The following RNF152 variants were observed in gnomAD, a reference collection of about 807,000 sequenced individuals.
RNF152 encodes the protein ring finger protein 152.
In RNF152, 11 loss-of-function variants were observed where a neutral mutation model predicts 12.7. That is an observed-to-expected ratio of 0.86 (90% CI 0.54 to 1.43). RNF152 has a LOEUF of 1.43. Ranked by LOEUF, RNF152 falls within the 40% of genes most tolerant of loss-of-function variation. RNF152 has a pLI of 0.00. For missense variants in RNF152, 255 were observed against 274.8 expected (o/e 0.93, Z 0.51); for synonymous variants, 113 against 120.3 (o/e 0.94, Z 0.40).
At chr18:61,869,655 T>C (rs2144733880) in intron 1 of RNF152, among the ~76,000 whole-genome samples, 1 of 152,268 alleles carries the variant, frequency 6.6e-6, no homozygotes, top group South Asian at 2.1e-4. Context: ...CCACAGATCA[T>C]TAGAATAAGT....
intron 1 of RNF152, among the ~76,000 whole-genome samples, chr18:61,824,752 T>C (rs983787038): frequency 6.6e-6 from 1 of 152,240 alleles, no homozygotes; most frequent in Non-Finnish European, 1.5e-5. Flanking sequence ...CACAGTTTTC[T>C]GGCTTGTGCA....
At chr18:61,851,723 G>A (rs1174411245) in intron 1 of RNF152, among the ~76,000 whole-genome samples, 1 of 152,108 alleles carries the variant, frequency 6.6e-6, no homozygotes, top group African/African-American at 2.4e-5. Flanking sequence ...ATTTATAGTT[G>A]AGAAAATTAA....
chr18:61,841,083 A>G (rs989630132), intron 1 of RNF152, among the ~76,000 whole-genome samples: 5 of 152,222 alleles, frequency 3.3e-5, no homozygotes, highest in African/African-American at 4.8e-5. Flanking sequence ...GCAGCAGTTC[A>G]TGGGGAAGCT....
At chr18:61,838,390 G>C (rs1304540453) in intron 1 of RNF152, among the ~76,000 whole-genome samples, 1 of 152,194 alleles carries the variant, frequency 6.6e-6, no homozygotes, top group Non-Finnish European at 1.5e-5. Context: ...CCAGAGATCA[G>C]CCCTGTAACC....
chr18:61,882,628 G>C (rs754829284), intron 1 of RNF152, among the ~76,000 whole-genome samples: 13 of 152,204 alleles, frequency 8.5e-5, no homozygotes, highest in Non-Finnish European at 1.9e-4. Flanking sequence ...AGAACTGGTG[G>C]CTTGGCTAAG....
chr18:61,876,382 G>A (rs1912215432), intron 1 of RNF152, among the ~76,000 whole-genome samples: 2 of 152,166 alleles, frequency 1.3e-5, no homozygotes, highest in African/African-American at 4.8e-5. Flanking sequence ...TGACATGGAA[G>A]CATTATGCCA....
At chr18:61,843,864 C>T (rs1235563294) in intron 1 of RNF152, among the ~76,000 whole-genome samples, 4 of 151,704 alleles carry the variant, frequency 2.6e-5, no homozygotes, top group East Asian at 1.9e-4. Context: ...AAAAGAGTTA[C>T]GAAGATGGAT....
intron 1 of RNF152, among the ~76,000 whole-genome samples, chr18:61,870,747 C>G (rs918522082): frequency 9.9e-5 from 15 of 152,060 alleles, no homozygotes; most frequent in African/African-American, 3.6e-4. Flanking sequence ...TGAAGTGAAA[C>G]CCACATAAGG....
chr18:61,851,228 T>C (rs1176558775), intron 1 of RNF152, among the ~76,000 whole-genome samples: 1 of 151,748 alleles, frequency 6.6e-6, no homozygotes, highest in Non-Finnish European at 1.5e-5. Flanking sequence ...TTTGTGTCAA[T>C]ATTTTAAATC....
At chr18:61,849,111 T>C (rs1599293422) in intron 1 of RNF152, among the ~76,000 whole-genome samples, 1 of 152,110 alleles carries the variant, frequency 6.6e-6, no homozygotes, top group Non-Finnish European at 1.5e-5. Flanking sequence ...GTACTATGAC[T>C]CCCTGCCTCC....
At chr18:61,875,264 G>T (rs79297943) in intron 1 of RNF152, among the ~76,000 whole-genome samples, 4,863 of 152,206 alleles carry the variant, frequency 0.032, 268 homozygotes, top group African/African-American at 0.11. Flanking sequence ...TTCCAGACAG[G>T]GTCCTATATG....
chr18:61,868,813 T>G (rs570111910), intron 1 of RNF152, among the ~76,000 whole-genome samples: 26 of 152,306 alleles, frequency 1.7e-4, no homozygotes, highest in African/African-American at 4.3e-4. Context: ...CTTGTAGTTA[T>G]GTGGCAGAAA....
intron 1 of RNF152, among the ~76,000 whole-genome samples, chr18:61,833,865 C>G (rs1479215791): frequency 6.7e-6 from 1 of 148,386 alleles, no homozygotes; most frequent in Non-Finnish European, 1.5e-5. Context: ...CTTTCATAAC[C>G]TGGTTGCCAT....
intron 1 of RNF152, among the ~76,000 whole-genome samples, chr18:61,877,767 T>G (rs112399911): frequency 0.044 from 6,774 of 152,270 alleles, 217 homozygotes; most frequent in Middle Eastern, 0.061. Flanking sequence ...CCTTTTTTTG[T>G]GTTTGGAATC....
At chr18:61,847,307 T>G (rs1439556195) in intron 1 of RNF152, among the ~76,000 whole-genome samples, 2 of 152,264 alleles carry the variant, frequency 1.3e-5, no homozygotes, top group Admixed American at 1.3e-4. Context: ...TATTTCTATT[T>G]GCATGGGGTC....
chr18:61,818,036 C>T (rs1003378451), intron 1 of RNF152, among the ~76,000 whole-genome samples: 3 of 152,158 alleles, frequency 2.0e-5, no homozygotes, highest in African/African-American at 4.8e-5. Flanking sequence ...AAAAGTGACC[C>T]TTCTTTTTCC....
intron 1 of RNF152, among the ~76,000 whole-genome samples, chr18:61,885,314 G>GTTTGTTAA (rs1438498858): frequency 6.6e-6 from 1 of 151,986 alleles, no homozygotes; most frequent in Non-Finnish European, 1.5e-5. Context: ...AGAGTGTTTT[G>GTTTGTTAA]TTTGTTTGTT....
chr18:61,831,411 G>T (rs888383314), intron 1 of RNF152, among the ~76,000 whole-genome samples: 1 of 152,116 alleles, frequency 6.6e-6, no homozygotes, highest in Non-Finnish European at 1.5e-5. Flanking sequence ...ATGAAAGCTT[G>T]CCCAGCACAG....
intron 1 of RNF152, among the ~76,000 whole-genome samples, chr18:61,851,406 A>T (rs1488593638): frequency 6.6e-6 from 1 of 152,142 alleles, no homozygotes; most frequent in African/African-American, 2.4e-5. Context: ...AAGAGGAGAA[A>T]ACACTTACCC....
Sources: gnomAD v4.1 joint callset for allele counts (sites outside exome capture counted in the v4.1 genomes callset) on GRCh38, gnomAD v4.1.1 for gene constraint, MANE v1.5 for transcripts, NCBI Gene and HGNC (gene_info 2026-07-23, HGNC 2026-07-21) for gene names.